ZNF544: variants seen among roughly 807,000 people sequenced by gnomAD.
ZNF544 encodes the protein zinc finger protein 544.
A neutral mutation model predicts 13.5 loss-of-function variants in ZNF544; 10 were observed. That is an observed-to-expected ratio of 0.74 (90% CI 0.46 to 1.25). The LOEUF is 1.25. Among genes scored for constraint, ZNF544 ranks in the 50% most tolerant of loss-of-function variants. The pLI is 0.00. For synonymous variants in ZNF544, 323 were observed against 300.5 expected, an observed-to-expected ratio of 1.07 and a Z score of -0.77; for missense variants, 896 against 845.6, an observed-to-expected ratio of 1.06 and a Z score of -0.74.
At chr19:58,237,437 G>A (rs1018047792) in intron 3 of ZNF544, among the ~76,000 whole-genome samples, 2 of 152,168 alleles carry the variant, frequency 1.3e-5, no homozygotes, top group African/African-American at 2.4e-5. Context: ...GCTCCAGGCC[G>A]GCAGCTTGCT....
chr19:58,273,263 A>C (rs1226548145), intron 5 of ZNF544, among the ~76,000 whole-genome samples: 1 of 152,220 alleles, frequency 6.6e-6, no homozygotes, highest in Admixed American at 6.5e-5. Context: ...ATTACAAATT[A>C]ATAATTGTGG....
chr19:58,254,189 A>G (rs1187188947), intron 6 of ZNF544, among the ~76,000 whole-genome samples: 1 of 151,792 alleles, frequency 6.6e-6, no homozygotes, highest in African/African-American at 2.4e-5. Context: ...ACGACACTGC[A>G]CTCCAGCCTG....
chr19:58,246,353 A>G lies in ZNF544; in HGVS notation c.86A>G (p.Glu29Gly). 6.2e-7 allele frequency: 1 copy of G among 1,614,002 alleles called. No homozygotes were observed. The highest frequency in any genetic ancestry group is 2.2e-5 in the East Asian group (1 of 44,864). The change falls in exon 5 of 7, where the codon GAA (glutamate) becomes GGA (glycine). Residue 29 changes from glutamate (E) to glycine (G), a missense_variant. Coordinates refer to ENST00000687789, the MANE Select transcript of ZNF544 (RefSeq NM_014480.4). ...ATGGCATTCACACAGGAGGAGTGGGAACAGCTGGACCTGGCCCAGAGGACA... is the reference window on the plus strand; with the variant it reads ...ATGGCATTCACACAGGAGGAGTGGGGACAGCTGGACCTGGCCCAGAGGACA... ...VAMAFTQEEW[E>G]QLDLAQRTLY...
chr19:58,243,971 C>G lies in ZNF544; in HGVS notation c.-53C>G. 6.3e-7 allele frequency: 1 copy of G among 1,577,232 alleles called. No homozygotes were observed. Reference sequence around the variant, plus strand: ...TGCTTGTTTTCCACCCCAGACTGGTCTTCTGAGGACCTCTGCCCTCTACAC... The same window carrying G: ...TGCTTGTTTTCCACCCCAGACTGGTGTTCTGAGGACCTCTGCCCTCTACAC... On this transcript the variant is annotated 5_prime_UTR_variant, in exon 4 of 7. Coordinates refer to ENST00000687789, the MANE Select transcript of ZNF544 (RefSeq NM_014480.4).
rs377034821 is a variant in ZNF544, at chr19:58,273,465, C to T, written c.245-2858C>T. Among the ~76,000 whole-genome samples the T allele has an allele frequency of 2.5e-3, 384 of 152,102 alleles. 3 individuals are homozygous for T. The highest frequency in any genetic ancestry group is 4.8e-3 in the South Asian group (23 of 4,812). ...CAGCACTTTGGGAGGCCAAGGTGGG[C>T]GGATCACCAGGTCAGGAGATAGAGA... is the stretch of plus-strand genomic sequence containing the variant. On this transcript the variant is annotated intron_variant, in intron 5 of 6. Transcript: ENST00000595981.
intron 3 of ZNF544, among the ~76,000 whole-genome samples, chr19:58,240,117 T>C (rs1945736472): frequency 6.6e-6 from 1 of 152,098 alleles, no homozygotes; most frequent in South Asian, 2.1e-4. Flanking sequence ...CTATATAAAT[T>C]ACTTTGGTTA....
chr19:58,233,930 A>G (rs2041873494), intron 3 of ZNF544, among the ~76,000 whole-genome samples: 1 of 152,190 alleles, frequency 6.6e-6, no homozygotes, highest in African/African-American at 2.4e-5. Context: ...AACTTTCCCA[A>G]GTTCTTGAAT....
intron 6 of ZNF544, chr19:58,258,029 CACACCA>C (rs2047929276): frequency 6.6e-6 from 1 of 152,340 alleles, no homozygotes; most frequent in Non-Finnish European, 1.5e-5. Flanking sequence ...CCATGCCCTG[CACACCA>C]TACCTCAGTC....
chr19:58,274,864 G>A (rs1040789454), intron 5 of ZNF544, among the ~76,000 whole-genome samples: 1 of 152,060 alleles, frequency 6.6e-6, no homozygotes, highest in Non-Finnish European at 1.5e-5. Flanking sequence ...CTATGAAAAT[G>A]AGAGAGGAAT....
At chr19:58,248,176 T>C (rs929862634) in intron 6 of ZNF544, among the ~76,000 whole-genome samples, 2 of 151,984 alleles carry the variant, frequency 1.3e-5, no homozygotes, top group African/African-American at 4.8e-5. Context: ...CCTCCCAAAG[T>C]GCTGGGATTA....
Position 58,244,043 on chromosome 19 carries a change from T to G in ZNF544, c.20T>G (p.Leu7Arg). 1.2e-6 allele frequency: 2 copies of G among 1,608,148 alleles called. No individual in the cohort carries two copies. Among genetic ancestry groups the G allele is most frequent in the Non-Finnish European group, 8.5e-7 (1 of 1,177,106 alleles). MEARSM[L>R]VPPQASVCFE... is the part of the protein sequence containing the mutation. ...GAGGAAATGGAAGCACGTTCTATGC[T>G]GGTTCCACCCCAGGTGAGTGGGGGG... The change falls in exon 4 of 7, where the codon CTG becomes CGG. Residue 7 changes from leucine (L) to arginine (R), a missense_variant. Coordinates refer to ENST00000687789, the MANE Select transcript of ZNF544 (RefSeq NM_014480.4).
At chr19:58,241,138 A>G (rs1600247784) in intron 3 of ZNF544, among the ~76,000 whole-genome samples, 1 of 49,864 alleles carries the variant, frequency 2.0e-5, no homozygotes, top group African/African-American at 6.2e-5. Flanking sequence ...TGGCCAGCCA[A>G]TTTAAAATAT....
intron 6 of ZNF544, among the ~76,000 whole-genome samples, chr19:58,252,172 G>C (rs766626439): frequency 6.6e-6 from 1 of 152,132 alleles, no homozygotes; most frequent in Admixed American, 6.6e-5. Context: ...TTCACACACA[G>C]AATCCCTTCT....
At position 58,261,082 on chromosome 19, in the gene ZNF544, T is replaced by G. The variant is rs1353120895; in HGVS notation, c.476T>G (p.Leu159Arg). 6.2e-7 allele frequency: 1 copy of G among 1,614,164 alleles called. No homozygotes were observed. The highest frequency in any genetic ancestry group is 1.7e-5 in the Admixed American group (1 of 60,016). ...TTTGCTCAAAGGGAACATTGTGAGCTTGAACTTGGGGGAGGTTATTCTCTA... is the reference window on the plus strand; with the variant it reads ...TTTGCTCAAAGGGAACATTGTGAGCGTGAACTTGGGGGAGGTTATTCTCTA... ...RLFAQREHCE[L>R]ELGGGYSLPS... The change falls in exon 7 of 7, where the codon CTT (leucine) becomes CGT (arginine). Residue 159 changes from leucine (L) to arginine (R), a missense_variant. Physicochemically the swap from Leu to Arg is moderately radical, Grantham distance 102. Coordinates refer to ENST00000687789, the MANE Select transcript of ZNF544 (RefSeq NM_014480.4).
chr19:58,271,141 A>C (rs2050583650), intron 5 of ZNF544, among the ~76,000 whole-genome samples: 1 of 150,270 alleles, frequency 6.7e-6, no homozygotes, highest in Admixed American at 6.7e-5. Flanking sequence ...GAACCCAGGA[A>C]GTGGAGGTTG....
intron 6 of ZNF544, among the ~76,000 whole-genome samples, chr19:58,254,887 A>G (rs1185818492): frequency 2.8e-5 from 4 of 143,406 alleles, no homozygotes; most frequent in Non-Finnish European, 3.0e-5. Context: ...TTTTCTTGAG[A>G]CAGAGTTTTT....
In ZNF544 at chr19:58,272,428, G is replaced by A. The variant is rs138238901; in HGVS notation, c.245-3895G>A. Among the ~76,000 whole-genome samples the A allele has an allele frequency of 4.1e-3, 624 of 152,070 alleles. 2 individuals are homozygous for A. Among genetic ancestry groups the A allele is most frequent in the African/African-American group, 0.014 (595 of 41,494 alleles). ...AATAAAAAACCAGGTGTGGTGGCAC[G>A]CGCCTGTTGTTCCAGCTACTCAGGA... On this transcript the variant is annotated intron_variant, in intron 5 of 6. Coordinates refer to the ZNF544 transcript ENST00000595981.
At chr19:58,277,078 T>C (rs2051277253) in intron 6 of ZNF544, 2 of 708,652 alleles carry the variant, frequency 2.8e-6, no homozygotes. Context: ...TAAGTGACTC[T>C]GTCTTGGTTT....
chr19:58,236,875 G>A (rs2042516422), intron 3 of ZNF544, among the ~76,000 whole-genome samples: 1 of 151,572 alleles, frequency 6.6e-6, no homozygotes, highest in Non-Finnish European at 1.5e-5. Flanking sequence ...CCAAGTAGCT[G>A]AGACTACAGG....
Sources: allele counts gnomAD v4.1 joint callset (sites outside exome capture counted in the v4.1 genomes callset), GRCh38; gene constraint gnomAD v4.1.1; transcripts MANE v1.5; gene names NCBI Gene and HGNC (gene_info 2026-07-23, HGNC 2026-07-21).